The following BPTF variants were observed in gnomAD, a reference collection of about 807,000 sequenced individuals.
BPTF encodes the protein bromodomain PHD finger transcription factor, also known as nucleosome-remodeling factor subunit BPTF.
Under a neutral mutation model 292.5 loss-of-function variants are expected in BPTF, and 18 were observed. That is an observed-to-expected ratio of 0.06 (90% CI 0.04 to 0.09). The LOEUF (loss-of-function observed/expected upper bound fraction) is 0.09, where lower values mean the gene tolerates loss of function less well. Among genes scored for constraint, BPTF ranks in the 10% least tolerant of loss-of-function variants. The probability of loss-of-function intolerance (pLI) is 1.00; values close to 1 mark genes in which losing one functional copy is unlikely to be tolerated. For missense variants in BPTF, 2,726 were observed against 3,498.7 expected (o/e 0.78, Z 5.57); for synonymous variants, 1,225 against 1,251.9 (o/e 0.98, Z 0.45).
At chr17:67,839,695 A>G (rs190452181) in intron 1 of BPTF, among the ~76,000 whole-genome samples, 3 of 152,296 alleles carry the variant, frequency 2.0e-5, no homozygotes, top group African/African-American at 7.2e-5. Context: ...TATCCATTCA[A>G]TAGTTGGATA....
In BPTF at chr17:67,854,590, G is replaced by A; in HGVS notation, c.1264G>A (p.Glu422Lys). ...TTTGGAATGTGTGAAGCCACCTCTT[G>A]AGGAGGTGCCAGAGGACGAGTGGCA... ...YHLECVKPPLEEVPEDEWQCE... is the reference protein window; with the variant it reads ...YHLECVKPPLKEVPEDEWQCE... The change falls in exon 2 of 28, where the codon GAG becomes AAG. Residue 422 changes from glutamate (E) to lysine (K), a missense_variant. Physicochemically the swap from Glu to Lys is moderately conservative, Grantham distance 56 (BLOSUM62 1). Transcript: ENST00000306378. This position sits in a 1 kb window ranked among gnomAD's most constrained non-coding sequence, Gnocchi z 5.6. 6.2e-7 allele frequency: 1 copy of A among 1,614,222 alleles called. No homozygotes were observed. Among genetic ancestry groups the A allele is most frequent in the Non-Finnish European group, 8.5e-7 (1 of 1,180,040 alleles).
intron 27 of BPTF, among the ~76,000 whole-genome samples, chr17:67,980,000 C>T (rs781785846): frequency 2.0e-5 from 3 of 151,888 alleles, no homozygotes; most frequent in Non-Finnish European, 4.4e-5. Context: ...CCACTACACT[C>T]TAGCCTGGGC....
intron 11 of BPTF, among the ~76,000 whole-genome samples, chr17:67,913,858 A>G (rs1466037652): frequency 1.3e-5 from 2 of 152,180 alleles, no homozygotes; most frequent in African/African-American, 4.8e-5. Context: ...AGAAATTCTT[A>G]TCTTTTGTAA....
intron 2 of BPTF, among the ~76,000 whole-genome samples, chr17:67,861,414 C>T (rs1221350089): frequency 5.3e-5 from 8 of 151,604 alleles, no homozygotes; most frequent in Non-Finnish European, 8.8e-5. Context: ...CACTGCAACC[C>T]CCTGCCTCTT....
intron 2 of BPTF, among the ~76,000 whole-genome samples, chr17:67,855,635 T>C (rs2058644476): frequency 6.6e-6 from 1 of 152,142 alleles, no homozygotes; most frequent in African/African-American, 2.4e-5. Flanking sequence ...GGAGACAGTC[T>C]CAGGGTTTAC....
chr17:67,839,372 A>G lies in BPTF; in HGVS notation c.613+13035A>G, dbSNP rs1220671876. 2.0e-5 allele frequency among the ~76,000 whole-genome samples: 3 copies of G among 151,902 alleles called. No homozygotes were observed. In the East Asian group the frequency reaches 5.8e-4, roughly 29 times the overall value. Reference sequence around the variant, plus strand: ...AGCTATGGCTATTGTATTTTGTCACATGTCATCTTAGCATCTTTTAAGATG... The same window carrying G: ...AGCTATGGCTATTGTATTTTGTCACGTGTCATCTTAGCATCTTTTAAGATG... On this transcript the variant is annotated intron_variant, in intron 1 of 27. Coordinates refer to ENST00000306378, the MANE Select transcript of BPTF (RefSeq NM_182641.4).
At chr17:67,939,411 G>A (rs974100045) in intron 18 of BPTF, among the ~76,000 whole-genome samples, 3 of 152,216 alleles carry the variant, frequency 2.0e-5, no homozygotes, top group African/African-American at 7.2e-5. Context: ...GTCTGTAAGT[G>A]TCAAATTAGC....
intron 4 of BPTF, among the ~76,000 whole-genome samples, chr17:67,890,677 G>A (rs567767187): frequency 6.6e-6 from 1 of 152,226 alleles, no homozygotes; most frequent in South Asian, 2.1e-4. Context: ...GGTGAGGGAA[G>A]TATCTCCCCA....
At position 67,866,560 on chromosome 17, in the gene BPTF, T is replaced by C. The variant is rs576276003; in HGVS notation, c.1533T>C (p.Tyr511=). 3.7e-6 allele frequency: 6 copies of C among 1,614,082 alleles called. No homozygotes were observed. In the African/African-American group the frequency reaches 4.0e-5, roughly 11 times the overall value. ...TAATTGACTGTCTAGACAAAGATTA[T>C]TGGGAAGCAGAACTCTGCAAAATTC... ...AELIDCLDKD[Y]WEAELCKILE... The change falls in exon 3 of 28, where the codon TAT becomes TAC. Residue 511 remains tyrosine (Y), a synonymous_variant. Transcript: ENST00000306378.
chr17:67,980,303 C>T (rs2070185189), intron 27 of BPTF, among the ~76,000 whole-genome samples: 1 of 152,124 alleles, frequency 6.6e-6, no homozygotes, highest in South Asian at 2.1e-4. Context: ...TGAGATCCTG[C>T]CACTGCACTC....
chr17:67,934,017 G>A (rs4271626), intron 18 of BPTF, among the ~76,000 whole-genome samples: 33,992 of 151,666 alleles, frequency 0.22, 4,421 homozygotes, highest in East Asian at 0.68. Flanking sequence ...GCACTCCAAC[G>A]TGGGCAACAA....
chr17:67,892,788 ACT>A (rs1296615322), intron 5 of BPTF, among the ~76,000 whole-genome samples: 1 of 152,144 alleles, frequency 6.6e-6, no homozygotes, highest in Non-Finnish European at 1.5e-5. Flanking sequence ...TGTGGGAAGC[ACT>A]CTGATATTTT....
At chr17:67,846,491 T>G (rs971556855) in intron 1 of BPTF, among the ~76,000 whole-genome samples, 1 of 152,234 alleles carries the variant, frequency 6.6e-6, no homozygotes, top group African/African-American at 2.4e-5. Context: ...ACATGGCTAT[T>G]AAGTAAGCAC....
At chr17:67,924,721 C>T (rs1426125423) in intron 15 of BPTF, 132 bp downstream of exon 15, 9 of 974,856 alleles carry the variant, frequency 9.2e-6, no homozygotes, top group Non-Finnish European at 1.4e-5. Flanking sequence ...CATTTTTTAG[C>T]CAAATTCATG....
At chr17:67,950,631 A>C (rs577724246) in intron 23 of BPTF, among the ~76,000 whole-genome samples, 2 of 152,170 alleles carry the variant, frequency 1.3e-5, no homozygotes, top group Non-Finnish European at 2.9e-5. Context: ...TGAGGTCAGG[A>C]GTTCGAGACC....
intron 3 of BPTF, among the ~76,000 whole-genome samples, chr17:67,871,914 CTCCTAGGTT>C (rs1483534424): frequency 2.6e-5 from 4 of 152,128 alleles, no homozygotes; most frequent in Non-Finnish European, 5.9e-5. Flanking sequence ...CAACCTCTGT[CTCCTAGGTT>C]CAAGCAATTA....
At chr17:67,884,401 C>T (rs1295828209) in intron 4 of BPTF, among the ~76,000 whole-genome samples, 2 of 147,936 alleles carry the variant, frequency 1.4e-5, no homozygotes, top group African/African-American at 2.6e-5. Context: ...CAGGCATGAG[C>T]CACTACCCCT....
At chr17:67,889,028 A>G (rs1041816883) in intron 4 of BPTF, among the ~76,000 whole-genome samples, 5 of 152,138 alleles carry the variant, frequency 3.3e-5, no homozygotes, top group Non-Finnish European at 5.9e-5. Flanking sequence ...TCCTCAGTTT[A>G]TCTGTTTAGT....
intron 3 of BPTF, among the ~76,000 whole-genome samples, chr17:67,871,023 G>A (rs970958691): frequency 2.0e-5 from 3 of 151,452 alleles, no homozygotes; most frequent in Non-Finnish European, 4.4e-5. Flanking sequence ...CGCCCGCCTC[G>A]GCCTCCCAAA....
Sources: gnomAD v4.1 joint callset for allele counts (sites outside exome capture counted in the v4.1 genomes callset) on GRCh38, gnomAD v4.1.1 for gene constraint, Gnocchi (gnomAD v3.1) non-coding constraint, MANE v1.5 for transcripts, NCBI Gene and HGNC (gene_info 2026-07-23, HGNC 2026-07-21) for gene names.